The following CADM2 variants were observed in gnomAD, a reference collection of about 807,000 sequenced individuals.
The protein encoded by CADM2 is cell adhesion molecule 2.
Under a neutral mutation model 49.8 loss-of-function variants are expected in CADM2, and 12 were observed. The ratio of observed to expected loss-of-function variants is 0.24; its 90% CI spans 0.15 to 0.39. CADM2 has a LOEUF of 0.39. CADM2 is among the 10% of genes least tolerant of loss of function. The pLI, the probability that CADM2 is intolerant of heterozygous loss-of-function variation, is 1.00. For missense variants in CADM2, 378 were observed against 492.3 expected (o/e 0.77, Z 2.20); for synonymous variants, 214 against 175.4 (o/e 1.22, Z -1.74).
intron 1 of CADM2, among the ~76,000 whole-genome samples, chr3:85,673,975 A>G (rs889507809): frequency 6.6e-6 from 1 of 152,158 alleles, no homozygotes; most frequent in Non-Finnish European, 1.5e-5. Flanking sequence ...AGTCACTCAA[A>G]CAGTTTATAT....
At chr3:85,073,576 G>T (rs1193986997) in intron 1 of CADM2, among the ~76,000 whole-genome samples, 3 of 152,046 alleles carry the variant, frequency 2.0e-5, no homozygotes, top group Non-Finnish European at 2.9e-5. Context: ...TCTTACAATG[G>T]CCTATAGTGC....
intron 1 of CADM2, among the ~76,000 whole-genome samples, chr3:85,115,063 C>T (rs1330887236): frequency 6.6e-6 from 1 of 152,088 alleles, no homozygotes; most frequent in Non-Finnish European, 1.5e-5. Context: ...ACCTGGAATG[C>T]TTAAAATTTC....
At chr3:85,629,876 C>A (rs1327880744) in intron 1 of CADM2, among the ~76,000 whole-genome samples, 1 of 151,890 alleles carries the variant, frequency 6.6e-6, no homozygotes, top group East Asian at 1.9e-4. Flanking sequence ...TCAATTTTTT[C>A]ATGTATAAAA....
chr3:84,981,322 A>G (rs550254290), intron 1 of CADM2, among the ~76,000 whole-genome samples: 35 of 152,188 alleles, frequency 2.3e-4, no homozygotes, highest in Admixed American at 8.5e-4. Context: ...ATAATTACAG[A>G]ACATTTAGAA....
intron 1 of CADM2, among the ~76,000 whole-genome samples, chr3:85,005,854 A>G (rs1294353132): frequency 5.3e-5 from 8 of 152,102 alleles, no homozygotes. Context: ...TTTAGCAATG[A>G]ATTTTTAATT....
chr3:85,955,764 C>T (rs1317085917), intron 7 of CADM2, among the ~76,000 whole-genome samples: 2 of 151,438 alleles, frequency 1.3e-5, no homozygotes, highest in African/African-American at 4.8e-5. Context: ...GTGCAACATA[C>T]AGGTAATCTC....
chr3:85,736,720 G>C (rs1227992626), intron 2 of CADM2, among the ~76,000 whole-genome samples: 1 of 152,190 alleles, frequency 6.6e-6, no homozygotes, highest in African/African-American at 2.4e-5. Flanking sequence ...TTTTAAAAGG[G>C]AATGGGGTAG....
chr3:85,204,095 A>G (rs2041573063), intron 1 of CADM2, among the ~76,000 whole-genome samples: 2 of 152,224 alleles, frequency 1.3e-5, no homozygotes, highest in South Asian at 4.1e-4. Flanking sequence ...TTGCATGGTT[A>G]GGTCCTTGTA....
At chr3:85,550,033 T>A (rs1312619896) in intron 1 of CADM2, among the ~76,000 whole-genome samples, 1 of 152,120 alleles carries the variant, frequency 6.6e-6, no homozygotes, top group East Asian at 1.9e-4. Flanking sequence ...ATAATATAAT[T>A]TATTTCATAA....
chr3:85,372,376 T>C (rs992599082), intron 1 of CADM2, among the ~76,000 whole-genome samples: 1 of 150,480 alleles, frequency 6.6e-6, no homozygotes, highest in African/African-American at 2.4e-5. Context: ...TATATATATG[T>C]GTGTGTGTAT....
chr3:85,569,162 G>C (rs1346251718), intron 1 of CADM2, among the ~76,000 whole-genome samples: 1 of 152,024 alleles, frequency 6.6e-6, no homozygotes, highest in African/African-American at 2.4e-5. Flanking sequence ...CCTGATTTCT[G>C]GCTTTTGTTA....
At chr3:85,909,302 A>C (rs1010103348) in intron 5 of CADM2, among the ~76,000 whole-genome samples, 5 of 151,866 alleles carry the variant, frequency 3.3e-5, no homozygotes. Context: ...AAATTCTGAA[A>C]TTTCCTTTGT....
chr3:85,990,013 CAAAAAAAAAAAAAAAA>C lies in CADM2; in HGVS notation c.970+28382_970+28397del, dbSNP rs58178176. Among the ~76,000 whole-genome samples the C allele has an allele frequency of 1.7e-3, 16 of 9,640 alleles. 1 individual carries two copies. Among genetic ancestry groups the C allele is most frequent in the South Asian group, 6.9e-3 (1 of 144 alleles). The allele number at this position is 9,640 out of a possible 152,430, so 6.3% of individuals were successfully genotyped here. On this transcript the variant is annotated intron_variant, in intron 8 of 9. Coordinates refer to ENST00000383699, the MANE Select transcript of CADM2 (RefSeq NM_001167675.2). Reference sequence around the variant, plus strand: ...GGCGACAAGAGAGAAACTCCATGTCCAAAAAAAAAAAAAAAAAAAAAAAAAAAAAAAGAAGACTAAT... The same window carrying C: ...GGCGACAAGAGAGAAACTCCATGTCCAAAAAAAAAAAAAAAGAAGACTAAT...
intron 8 of CADM2, among the ~76,000 whole-genome samples, chr3:85,990,013 CAAAAAA>C (rs58178176): frequency 6.1e-3 from 59 of 9,632 alleles, no homozygotes; most frequent in East Asian, 0.042. Flanking sequence ...ACTCCATGTC[CAAAAAA>C]AAAAAAAAAA....
chr3:85,211,411 T>G (rs1323071813), intron 1 of CADM2, among the ~76,000 whole-genome samples: 1 of 152,086 alleles, frequency 6.6e-6, no homozygotes, highest in African/African-American at 2.4e-5. Flanking sequence ...TCTATTTTTT[T>G]ATGTAGGCAC....
At chr3:85,962,379 C>T (rs1724946247) in intron 8 of CADM2, among the ~76,000 whole-genome samples, 1 of 151,780 alleles carries the variant, frequency 6.6e-6, no homozygotes, top group African/African-American at 2.4e-5. Context: ...TGAAATGCAG[C>T]AAAAATGGGA....
Position 85,389,355 on chromosome 3 carries a change from T to C in CADM2, c.62-337167T>C, listed in dbSNP as rs138563303. Among the ~76,000 whole-genome samples, 149 of 152,216 alleles carry C rather than the reference T, an allele frequency of 9.8e-4. No homozygotes were observed. The East Asian group carries it at 0.017, about 17-fold the overall frequency. On this transcript the variant is annotated intron_variant, in intron 1 of 9. Coordinates refer to ENST00000383699, the MANE Select transcript of CADM2 (RefSeq NM_001167675.2). ...GAACAGCATTGAGTAATTAAATAAT[T>C]GTCTTCATTTTAAAGGAGACTAGCA...
At chr3:85,319,224 T>C (rs1387906131) in intron 1 of CADM2, among the ~76,000 whole-genome samples, 1 of 152,200 alleles carries the variant, frequency 6.6e-6, no homozygotes, top group Admixed American at 6.5e-5. Flanking sequence ...TTTATTTTTA[T>C]GTTAATCAAA....
intron 1 of CADM2, among the ~76,000 whole-genome samples, chr3:85,252,457 G>A (rs1256694664): frequency 6.6e-6 from 1 of 151,914 alleles, no homozygotes; most frequent in Non-Finnish European, 1.5e-5. Flanking sequence ...TTAATTGTAA[G>A]TAGAGATTTT....
Sources: allele counts gnomAD v4.1 joint callset (sites outside exome capture counted in the v4.1 genomes callset), GRCh38; gene constraint gnomAD v4.1.1; transcripts MANE v1.5; gene names NCBI Gene and HGNC (gene_info 2026-07-23, HGNC 2026-07-21).